HIVEP2: variants seen among roughly 807,000 people sequenced by gnomAD.
HIVEP2 encodes HIVEP zinc finger 2.
Under a neutral mutation model 180.7 loss-of-function variants are expected in HIVEP2, and 14 were observed. The observed-to-expected ratio is 0.08, with a 90% confidence interval of 0.05 to 0.12. HIVEP2 has a LOEUF of 0.12. HIVEP2 is among the 10% of genes least tolerant of loss of function. The pLI is 1.00. For synonymous variants in HIVEP2, 1,184 were observed against 1,136.4 expected, an observed-to-expected ratio of 1.04 and a Z score of -0.84; for missense variants, 2,579 against 3,008.5, an observed-to-expected ratio of 0.86 and a Z score of 3.34.
chr6:142,829,660 T>A (rs1775024181), intron 2 of HIVEP2, among the ~76,000 whole-genome samples: 1 of 152,260 alleles, frequency 6.6e-6, no homozygotes, highest in Admixed American at 6.5e-5. Context: ...ACATTGCATA[T>A]GGCAGAAATG....
intron 2 of HIVEP2, among the ~76,000 whole-genome samples, chr6:142,804,925 G>A (rs897907783): frequency 7.9e-5 from 12 of 152,110 alleles, no homozygotes; most frequent in African/African-American, 2.9e-4. Flanking sequence ...ATGGAGAATA[G>A]TCATCCTTTC....
At chr6:142,807,139 C>A (rs991156892) in intron 2 of HIVEP2, among the ~76,000 whole-genome samples, 5 of 152,064 alleles carry the variant, frequency 3.3e-5, no homozygotes, top group African/African-American at 7.2e-5. Flanking sequence ...AACAATGGAC[C>A]AATAGCCTGG....
In HIVEP2 at chr6:142,774,735, C is replaced by T. The variant is rs776330078; in HGVS notation, c.4G>A (p.Asp2Asn). 2 of 1,613,408 alleles carry T rather than the reference C, an allele frequency of 1.2e-6. No homozygotes were observed. The highest frequency in any genetic ancestry group is 1.7e-6 in the Non-Finnish European group (2 of 1,179,580). ...TGTCCTAGAGCTGTGTCCCCAGTGTCCATTTTGTTACACAAGGTCTTAAGT... is the reference window on the plus strand; with the variant it reads ...TGTCCTAGAGCTGTGTCCCCAGTGTTCATTTTGTTACACAAGGTCTTAAGT... Reference protein sequence around the residue: MDTGDTALGQKA... With the variant: MNTGDTALGQKA... Residue 2 changes from aspartate (D) to asparagine (N), a missense_variant, in exon 5 of 10, where the codon GAC (aspartate) becomes AAC (asparagine). Asp to Asn is a conservative substitution (Grantham distance 23, BLOSUM62 1). This residue lies in a region of HIVEP2 where 207 missense variants were observed against 210.1 expected (regional missense o/e 0.99). Coordinates refer to ENST00000367603, the MANE Select transcript of HIVEP2 (RefSeq NM_006734.4). This position sits in a 1 kb window ranked among gnomAD's most constrained non-coding sequence, Gnocchi z 5.1.
chr6:142,803,566 TACACACACACAC>T (rs10688831), intron 2 of HIVEP2, among the ~76,000 whole-genome samples: 1 of 141,640 alleles, frequency 7.1e-6, no homozygotes, highest in South Asian at 2.3e-4. Context: ...ATATATAGCA[TACACACACACAC>T]ACACACACAC....
At chr6:142,872,764 G>C (rs1776324805) in intron 1 of HIVEP2, among the ~76,000 whole-genome samples, 1 of 152,202 alleles carries the variant, frequency 6.6e-6, no homozygotes, top group Non-Finnish European at 1.5e-5. Flanking sequence ...TGTAACAGAA[G>C]TTAGCCCTTT....
In HIVEP2 at chr6:142,924,058, G is replaced by A. The variant is rs527377924; in HGVS notation, c.-641+21041C>T. Among the ~76,000 whole-genome samples the A allele has an allele frequency of 5.3e-5, 8 of 152,308 alleles. No individual in the cohort carries two copies. The East Asian group carries it at 1.4e-3, about 26-fold the overall frequency. On this transcript the variant is annotated intron_variant, in intron 1 of 9. Transcript: ENST00000367603. ...TAGGTCAATGAGCTTTTTAAAAAAT[G>A]ACTCTCATTAGATGCAAAAGGAGGA... is the stretch of plus-strand genomic sequence containing the variant.
Position 142,772,613 on chromosome 6 carries a change from G to A in HIVEP2, c.2126C>T (p.Thr709Met), listed in dbSNP as rs571741243. The A allele has an allele frequency of 8.2e-5, 132 of 1,614,194 alleles. No homozygotes were observed. The highest frequency in any genetic ancestry group is 6.0e-4 in the East Asian group (27 of 44,886). Residue 709 changes from threonine to methionine, a missense_variant, in exon 5 of 10, where the codon ACG becomes ATG. Transcript: ENST00000367603. This position sits in a 1 kb window ranked among gnomAD's most constrained non-coding sequence, Gnocchi z 4.9. ...KEKSVGDEEDTPMICSSIVST... is the reference protein window; with the variant it reads ...KEKSVGDEEDMPMICSSIVST... Reference sequence around the variant, plus strand: ...TACAATGCTGCTGCAGATCATGGGCGTGTCCTCTTCATCCCCTACGCTCTT... The same window carrying A: ...TACAATGCTGCTGCAGATCATGGGCATGTCCTCTTCATCCCCTACGCTCTT...
chr6:142,831,861 T>C (rs781778873), intron 2 of HIVEP2, among the ~76,000 whole-genome samples: 11 of 152,122 alleles, frequency 7.2e-5, no homozygotes, highest in Non-Finnish European at 1.5e-4. Flanking sequence ...TAAACCTGTG[T>C]CCAGGTATCG....
chr6:142,839,764 T>TG (rs1775316427), intron 1 of HIVEP2, among the ~76,000 whole-genome samples: 2 of 152,046 alleles, frequency 1.3e-5, no homozygotes, highest in African/African-American at 4.8e-5. Context: ...CACTCTCGAG[T>TG]AAGCCTGTGT....
chr6:142,875,102 C>T (rs1164939588), intron 1 of HIVEP2, among the ~76,000 whole-genome samples: 1 of 152,092 alleles, frequency 6.6e-6, no homozygotes, highest in African/African-American at 2.4e-5. Context: ...GCAATAAAAA[C>T]TGAACTAGGG....
At chr6:142,833,982 T>C (rs958466555) in intron 2 of HIVEP2, among the ~76,000 whole-genome samples, 7 of 152,192 alleles carry the variant, frequency 4.6e-5, no homozygotes, top group Non-Finnish European at 1.0e-4. Flanking sequence ...TCCTGTATAA[T>C]AGGAAACATT....
chr6:142,881,887 C>T (rs1332853400), intron 1 of HIVEP2, among the ~76,000 whole-genome samples: 1 of 151,158 alleles, frequency 6.6e-6, no homozygotes, highest in Admixed American at 6.6e-5. Flanking sequence ...AATCTGAGTG[C>T]CTCACAGTGG....
At position 142,810,547 on chromosome 6, in the gene HIVEP2, A is replaced by AGGCCAG. The variant is rs1776666946; in HGVS notation, c.-528+26387_-528+26388insCTGGCC. ...GGAGGCCAGGGGGGCAAATCACTTG[A>AGGCCAG]GGACAGGAGTTTGTGGTCAGTATAG... is the stretch of plus-strand genomic sequence containing the variant. On this transcript the variant is annotated intron_variant, in intron 2 of 9. Coordinates refer to ENST00000367603, the MANE Select transcript of HIVEP2 (RefSeq NM_006734.4). 2.0e-5 allele frequency among the ~76,000 whole-genome samples: 3 copies of AGGCCAG among 152,076 alleles called. No individual in the cohort carries two copies. In the South Asian group the frequency reaches 6.2e-4, roughly 32 times the overall value.
chr6:142,817,997 C>T (rs1480273063), intron 2 of HIVEP2, among the ~76,000 whole-genome samples: 1 of 147,170 alleles, frequency 6.8e-6, no homozygotes, highest in Non-Finnish European at 1.5e-5. Context: ...CAGAGTGAGA[C>T]TCTGTCTCAA....
At chr6:142,887,793 C>T (rs1255492119) in intron 1 of HIVEP2, among the ~76,000 whole-genome samples, 2 of 152,168 alleles carry the variant, frequency 1.3e-5, no homozygotes, top group East Asian at 1.9e-4. Context: ...AAACAAATCA[C>T]CGTTTAAAAT....
intron 7 of HIVEP2, among the ~76,000 whole-genome samples, chr6:142,762,614 C>T (rs192307927): frequency 7.2e-5 from 11 of 152,240 alleles, no homozygotes; most frequent in Middle Eastern, 3.4e-3. Flanking sequence ...CCCTTGACAA[C>T]GCTTTAGCAA....
At chr6:142,795,022 C>T (rs907590786) in intron 2 of HIVEP2, among the ~76,000 whole-genome samples, 3 of 152,078 alleles carry the variant, frequency 2.0e-5, no homozygotes, top group Non-Finnish European at 4.4e-5. Flanking sequence ...TAAATGTAAA[C>T]ACTAAAGAGT....
chr6:142,763,468 T>A (rs925963951), intron 7 of HIVEP2, among the ~76,000 whole-genome samples: 1 of 152,200 alleles, frequency 6.6e-6, no homozygotes, highest in African/African-American at 2.4e-5. Flanking sequence ...ACAAGGAAAC[T>A]CCAATAATGA....
At position 142,766,283 on chromosome 6, in the gene HIVEP2, A is replaced by G. The variant is rs374941835; in HGVS notation, c.5343-1309T>C. On this transcript the variant is annotated intron_variant, in intron 6 of 9. Coordinates refer to ENST00000367603, the MANE Select transcript of HIVEP2 (RefSeq NM_006734.4). ...ATGAGAGTTAAGTAGAAACTATTCA[A>G]AACTATGAATAATCAATTTTGCATG... Among the ~76,000 whole-genome samples, 19 of 152,332 alleles carry G rather than the reference A, an allele frequency of 1.2e-4. No individual in the cohort carries two copies. The East Asian group carries it at 2.9e-3, about 23-fold the overall frequency.
Sources: gnomAD v4.1 joint callset for allele counts (sites outside exome capture counted in the v4.1 genomes callset) on GRCh38, gnomAD v4.1.1 for gene constraint, gnomAD v4.1.1 regional missense constraint, Gnocchi (gnomAD v3.1) non-coding constraint, MANE v1.5 for transcripts, NCBI Gene and HGNC (gene_info 2026-07-23, HGNC 2026-07-21) for gene names.